Variants in MAS1 observed in about 807,000 individuals in gnomAD.
MAS1 encodes the protein proto-oncogene Mas.
For synonymous variants in MAS1, 163 were observed against 164.2 expected, an observed-to-expected ratio of 0.99 and a Z score of 0.05; for missense variants, 387 against 409.7, an observed-to-expected ratio of 0.94 and a Z score of 0.48.
rs768536388 is a variant in MAS1, at chr6:159,914,433, G to A, written c.*6500G>A. The A allele has an allele frequency of 6.6e-6, 1 of 152,194 alleles. No homozygotes were observed. The highest frequency in any genetic ancestry group is 1.5e-5 in the Non-Finnish European group (1 of 68,058). The allele number at this position is 152,194 out of a possible 1,614,324, so 9.4% of individuals were successfully genotyped here. A position where few individuals can be genotyped will look rare whatever the true frequency, so the allele number is the denominator to read the frequency against. ...GGTCTGTTGTTTCTTCCTGTTCTGAGTGAGACTTGCGGTGAGCACTGGAAC... is the reference window on the plus strand; with the variant it reads ...GGTCTGTTGTTTCTTCCTGTTCTGAATGAGACTTGCGGTGAGCACTGGAAC... On this transcript the variant is annotated 3_prime_UTR_variant, in exon 3 of 3. Transcript: ENST00000674077.
chr6:159,894,566 C>A (rs1243042981), intron 1 of MAS1, among the ~76,000 whole-genome samples: 2 of 152,084 alleles, frequency 1.3e-5, no homozygotes, highest in Admixed American at 1.3e-4. Context: ...TAGGCTCTGG[C>A]ATCATCTCGG....
At chr6:159,895,155 G>A (rs528422188) in intron 1 of MAS1, among the ~76,000 whole-genome samples, 12 of 152,286 alleles carry the variant, frequency 7.9e-5, no homozygotes, top group Admixed American at 2.0e-4. Context: ...ACACATAGAC[G>A]GACTGTTGAC....
chr6:159,907,313 CTCTA>C lies in MAS1; in HGVS notation c.362_365del (p.Tyr121CysfsTer2), dbSNP rs1782902297. The C allele has an allele frequency of 6.2e-7, 1 of 1,614,206 alleles. No individual in the cohort carries two copies. The highest frequency in any genetic ancestry group is 8.5e-7 in the Non-Finnish European group (1 of 1,180,040). On this transcript the variant is annotated frameshift_variant, in exon 3 of 3. Transcript: ENST00000674077. LOFTEE classifies it low-confidence loss of function (END_TRUNC). ...TTTTCTGTTTGGCTACAACACGGGC[CTCTA>C]TCTGCTGACGGCCATTAGTGTGGAG... is the stretch of plus-strand genomic sequence containing the variant.
upstream of MAS1, among the ~76,000 whole-genome samples, chr6:159,889,596 C>T (rs1331478452): frequency 2.6e-5 from 4 of 152,230 alleles, no homozygotes; most frequent in South Asian, 4.1e-4. Flanking sequence ...TTCTGCCTTG[C>T]AGTCTGCTTT....
intron 1 of MAS1, among the ~76,000 whole-genome samples, chr6:159,898,069 T>C (rs1354738358): frequency 6.6e-6 from 1 of 151,882 alleles, no homozygotes; most frequent in Non-Finnish European, 1.5e-5. Flanking sequence ...TTTTTGTATT[T>C]TTAGTAGAGA....
chr6:159,889,575 T>C (rs923168113), upstream of MAS1, among the ~76,000 whole-genome samples: 1 of 152,216 alleles, frequency 6.6e-6, no homozygotes, highest in African/African-American at 2.4e-5. Flanking sequence ...TTCCCACCCG[T>C]GCTCCTTCTT....
At chr6:159,894,903 T>C (rs1782738643) in intron 1 of MAS1, among the ~76,000 whole-genome samples, 1 of 152,246 alleles carries the variant, frequency 6.6e-6, no homozygotes, top group Non-Finnish European at 1.5e-5. Flanking sequence ...TGAAAACAAC[T>C]CATTCCTGTG....
At chr6:159,897,065 G>A (rs955519514) in intron 1 of MAS1, among the ~76,000 whole-genome samples, 7 of 152,054 alleles carry the variant, frequency 4.6e-5, no homozygotes, top group Non-Finnish European at 8.8e-5. Flanking sequence ...TAGTAGAGAC[G>A]GGGTTTCACC....
rs759629712 is a variant in MAS1 at position 159,914,666 on chromosome 6, C to T, written c.*6733C>T. On this transcript the variant is annotated 3_prime_UTR_variant, in exon 3 of 3. Transcript: ENST00000674077. The stretch of plus-strand genomic sequence containing the variant: ...CCAGCCAGTCCCTTCACCATGGTGT[C>T]CCCACTGATCAGAGCTCAGAGTGCA... 9 of 152,304 alleles carry T rather than the reference C, an allele frequency of 5.9e-5. No homozygotes were observed. The highest frequency in any genetic ancestry group is 2.0e-4 in the Admixed American group (3 of 15,286). The allele number at this position is 152,304 out of a possible 1,614,324, so 9.4% of individuals were successfully genotyped here. A position where few individuals can be genotyped will look rare whatever the true frequency, so the allele number is the denominator to read the frequency against.
At chr6:159,898,437 A>G (rs1782777919) in intron 1 of MAS1, among the ~76,000 whole-genome samples, 1 of 151,844 alleles carries the variant, frequency 6.6e-6, no homozygotes, top group Non-Finnish European at 1.5e-5. Context: ...CTCTCCAACA[A>G]CCACTCACTG....
Position 159,913,849 on chromosome 6 carries a change from A to G in MAS1, c.*5916A>G, listed in dbSNP as rs1490358779. On this transcript the variant is annotated 3_prime_UTR_variant, in exon 3 of 3. Transcript: ENST00000674077. ...GATTTTCTATGAAATTTTGGTCCTCATTTTAACAAGATTCCTTTTTAACAA... is the reference window on the plus strand; with the variant it reads ...GATTTTCTATGAAATTTTGGTCCTCGTTTTAACAAGATTCCTTTTTAACAA... 1 of 152,234 alleles carries G rather than the reference A, an allele frequency of 6.6e-6. No individual in the cohort carries two copies. Among genetic ancestry groups the G allele is most frequent in the Non-Finnish European group, 1.5e-5 (1 of 68,044 alleles). The allele number at this position is 152,234 out of a possible 1,614,324, so 9.4% of individuals were successfully genotyped here.
Position 159,916,637 on chromosome 6 carries a change from T to C in MAS1, c.*8704T>C, listed in dbSNP as rs1394706321. 2.0e-5 allele frequency: 3 copies of C among 152,300 alleles called. No homozygotes were observed. The East Asian group carries it at 5.8e-4, about 29-fold the overall frequency. 9.4% of individuals were successfully genotyped at this position (152,300 alleles called of 1,614,324 possible). ...ATGAAGGATGAAGACAAACCTCCTC[T>C]TCATCTTCACTCCAGTGAGTGGAGC... On this transcript the variant is annotated 3_prime_UTR_variant, in exon 3 of 3. Coordinates refer to ENST00000674077, the MANE Select transcript of MAS1 (RefSeq NM_002377.4).
At chr6:159,897,609 CTAAG>C (rs1782768664) in intron 1 of MAS1, among the ~76,000 whole-genome samples, 1 of 152,180 alleles carries the variant, frequency 6.6e-6, no homozygotes, top group Non-Finnish European at 1.5e-5. Context: ...AAACTATAAA[CTAAG>C]TTTCTCCCAA....
In MAS1 at chr6:159,913,020, C is replaced by G. The variant is rs915872940; in HGVS notation, c.*5087C>G. On this transcript the variant is annotated 3_prime_UTR_variant, in exon 3 of 3. Coordinates refer to ENST00000674077, the MANE Select transcript of MAS1 (RefSeq NM_002377.4). ...CTGCTGAAGTCTTTAGATATTTTTG[C>G]AAAAATTACCCACTTTTTGATGTTC... The G allele has an allele frequency of 1.1e-4, 17 of 152,054 alleles. No homozygotes were observed. Among genetic ancestry groups the G allele is most frequent in the African/African-American group, 4.1e-4 (17 of 41,414 alleles). The allele number at this position is 152,054 out of a possible 1,614,324, so 9.4% of individuals were successfully genotyped here. A position where few individuals can be genotyped will look rare whatever the true frequency, so the allele number is the denominator to read the frequency against.
Position 159,916,830 on chromosome 6 carries a change from T to C in MAS1, c.*8897T>C, listed in dbSNP as rs1428016211. Among the ~76,000 whole-genome samples, 2 of 152,222 alleles carry C rather than the reference T, an allele frequency of 1.3e-5. No individual in the cohort carries two copies. The highest frequency in any genetic ancestry group is 3.8e-4 in the East Asian group (2 of 5,196). On this transcript the variant is annotated 3_prime_UTR_variant, in exon 3 of 3. Transcript: ENST00000674077. Reference sequence around the variant, plus strand: ...GCGGGCCGTACAGTCTGTGCTGCAATGACAACTCTGTGGGTGTGTGAAAGC... The same window carrying C: ...GCGGGCCGTACAGTCTGTGCTGCAACGACAACTCTGTGGGTGTGTGAAAGC...
intron 1 of MAS1, among the ~76,000 whole-genome samples, chr6:159,897,184 G>T (rs1583211155): frequency 2.0e-5 from 3 of 151,924 alleles, no homozygotes; most frequent in African/African-American, 4.8e-5. Flanking sequence ...GGAGACTGGG[G>T]TTTTTTTTAA....
At chr6:159,898,231 G>T (rs1405925887) in intron 1 of MAS1, among the ~76,000 whole-genome samples, 1 of 151,958 alleles carries the variant, frequency 6.6e-6, no homozygotes, top group Admixed American at 6.6e-5. Context: ...ACAATATGGT[G>T]ACTTTAATTC....
rs762860063 is a variant in MAS1 at position 159,907,773 on chromosome 6, G to A, written c.818G>A (p.Ser273Asn). ...HISLLFSTIN[S>N]SANPFIYFFV... is the part of the protein sequence containing the mutation. ...TCCCTGCTCTTCTCCACAATCAACA[G>A]TAGCGCCAACCCTTTCATTTACTTC... The change falls in exon 3 of 3, where the codon AGT becomes AAT. Residue 273 changes from serine (S) to asparagine (N), a missense_variant. Physicochemically the swap from Ser to Asn is conservative, Grantham distance 46. Transcript: ENST00000674077. The A allele has an allele frequency of 2.4e-5, 38 of 1,613,450 alleles. No homozygotes were observed. The highest frequency in any genetic ancestry group is 3.1e-5 in the Non-Finnish European group (37 of 1,179,958).
upstream of MAS1, among the ~76,000 whole-genome samples, chr6:159,889,221 C>T (rs1330983661): frequency 6.6e-6 from 1 of 152,240 alleles, no homozygotes; most frequent in Non-Finnish European, 1.5e-5. Context: ...AGCTTGTTGT[C>T]CTCTGCCCGT....
Sources: gnomAD v4.1 joint callset for allele counts (sites outside exome capture counted in the v4.1 genomes callset) on GRCh38, gnomAD v4.1.1 for gene constraint, MANE v1.5 for transcripts, NCBI Gene and HGNC (gene_info 2026-07-23, HGNC 2026-07-21) for gene names.